Variants in MDGA2 observed in about 807,000 individuals in gnomAD.
The protein encoded by MDGA2 is MAM domain-containing glycosylphosphatidylinositol anchor protein 2.
A neutral mutation model predicts 117.8 loss-of-function variants in MDGA2; 40 were observed. The observed-to-expected ratio is 0.34, with a 90% CI of 0.26 to 0.44. The LOEUF is 0.44. MDGA2 is among the 20% of genes least tolerant of loss of function. The probability of loss-of-function intolerance (pLI) is 1.00; values close to 1 mark genes in which losing one functional copy is unlikely to be tolerated. For missense variants in MDGA2, 1,123 were observed against 1,250.6 expected (o/e 0.90, Z 1.54); for synonymous variants, 452 against 439.0 (o/e 1.03, Z -0.37).
chr14:47,361,011 T>C (rs1423196418), intron 1 of MDGA2, among the ~76,000 whole-genome samples: 1 of 152,112 alleles, frequency 6.6e-6, no homozygotes, highest in African/African-American at 2.4e-5. Context: ...AGATCTAATG[T>C]ACAACATAAA....
At chr14:47,420,625 C>T (rs2138505840) in intron 1 of MDGA2, among the ~76,000 whole-genome samples, 1 of 152,130 alleles carries the variant, frequency 6.6e-6, no homozygotes, top group East Asian at 1.9e-4. Flanking sequence ...GGCTCAATTG[C>T]TTGCAAAGCT....
intron 3 of MDGA2, among the ~76,000 whole-genome samples, chr14:47,209,052 T>A (rs1446544285): frequency 7.5e-6 from 1 of 132,658 alleles, no homozygotes; most frequent in Non-Finnish European, 1.7e-5. Context: ...GATTATATCC[T>A]TTTTTTTTAA....
At chr14:47,394,407 T>C (rs1891962518) in intron 1 of MDGA2, among the ~76,000 whole-genome samples, 1 of 152,090 alleles carries the variant, frequency 6.6e-6, no homozygotes. Context: ...CTCCCAATAT[T>C]TACCATTAAG....
chr14:47,000,296 G>A (rs1046670351), intron 8 of MDGA2, among the ~76,000 whole-genome samples: 14 of 140,088 alleles, frequency 1.0e-4, no homozygotes, highest in Non-Finnish European at 1.8e-4. Flanking sequence ...TAGCTTTCTT[G>A]CTTAGGTTCC....
chr14:47,614,994 T>C (rs1222713118), intron 1 of MDGA2, among the ~76,000 whole-genome samples: 3 of 152,196 alleles, frequency 2.0e-5, no homozygotes, highest in Non-Finnish European at 4.4e-5. Flanking sequence ...AAGTAGATTC[T>C]ATAATTGGTG....
intron 1 of MDGA2, among the ~76,000 whole-genome samples, chr14:47,315,092 C>A (rs993990951): frequency 3.3e-5 from 5 of 151,894 alleles, no homozygotes; most frequent in African/African-American, 1.2e-4. Flanking sequence ...CACATTTTTT[C>A]CCCCAGAGCT....
intron 2 of MDGA2, among the ~76,000 whole-genome samples, chr14:47,245,161 C>A (rs1167900193): frequency 6.6e-6 from 1 of 151,724 alleles, no homozygotes; most frequent in East Asian, 1.9e-4. Context: ...GTAGCTGGGA[C>A]TACAGGCACA....
intron 8 of MDGA2, among the ~76,000 whole-genome samples, chr14:47,016,185 T>G (rs911204640): frequency 2.6e-5 from 4 of 152,112 alleles, no homozygotes; most frequent in Non-Finnish European, 5.9e-5. Context: ...AATTGCCAAC[T>G]CAGTTACAAT....
intron 10 of MDGA2, among the ~76,000 whole-genome samples, chr14:46,919,687 TAA>T (rs1167540854): frequency 5.9e-5 from 9 of 152,204 alleles, no homozygotes; most frequent in African/African-American, 2.2e-4. Flanking sequence ...ACATCTGAAA[TAA>T]GTTCCTTTTA....
intron 2 of MDGA2, among the ~76,000 whole-genome samples, chr14:47,256,463 T>A (rs887768580): frequency 6.6e-6 from 1 of 152,176 alleles, no homozygotes; most frequent in Non-Finnish European, 1.5e-5. Flanking sequence ...TCTGCCTACA[T>A]TTCTCTGGTC....
intron 1 of MDGA2, among the ~76,000 whole-genome samples, chr14:47,395,674 C>A (rs1036656951): frequency 2.6e-5 from 4 of 151,890 alleles, no homozygotes; most frequent in African/African-American, 9.7e-5. Flanking sequence ...GAATTATAGA[C>A]AATGAACATA....
intron 3 of MDGA2, among the ~76,000 whole-genome samples, chr14:47,202,244 TGATTA>T (rs1182679010): frequency 2.6e-5 from 4 of 152,184 alleles, no homozygotes; most frequent in African/African-American, 9.6e-5. Context: ...GTAGTTGTGA[TGATTA>T]GATAATAAAA....
At chr14:46,995,083 T>C (rs1049292683) in intron 8 of MDGA2, among the ~76,000 whole-genome samples, 6 of 152,136 alleles carry the variant, frequency 3.9e-5, no homozygotes, top group African/African-American at 1.2e-4. Context: ...ATGAGTAAAA[T>C]AGCATTTCTC....
chr14:47,597,927 A>C (rs1896577546), intron 1 of MDGA2, among the ~76,000 whole-genome samples: 4 of 151,756 alleles, frequency 2.6e-5, no homozygotes, highest in Admixed American at 2.6e-4. Flanking sequence ...ATAATTACCC[A>C]AGAAAAAAAC....
chr14:47,402,345 C>T (rs1427429167), intron 1 of MDGA2, among the ~76,000 whole-genome samples: 4 of 123,846 alleles, frequency 3.2e-5, no homozygotes, highest in Non-Finnish European at 5.1e-5. Flanking sequence ...CGCCCCCCCA[C>T]CCCGCAAAAA....
intron 2 of MDGA2, among the ~76,000 whole-genome samples, chr14:47,280,021 A>G (rs1253113671): frequency 6.6e-6 from 1 of 151,154 alleles, no homozygotes; most frequent in Admixed American, 6.6e-5. Flanking sequence ...TTTAATAGAT[A>G]TTGTCAGGCC....
intron 5 of MDGA2, among the ~76,000 whole-genome samples, chr14:47,117,692 T>C (rs1272409949): frequency 4.6e-5 from 7 of 152,074 alleles, no homozygotes; most frequent in Non-Finnish European, 8.8e-5. Flanking sequence ...GTACCTAAAG[T>C]AGTCAAATTC....
At chr14:47,437,658 G>A (rs1892925232) in intron 1 of MDGA2, among the ~76,000 whole-genome samples, 1 of 152,146 alleles carries the variant, frequency 6.6e-6, no homozygotes, top group Non-Finnish European at 1.5e-5. Context: ...AAACAAATCA[G>A]CCTTCAAATG....
chr14:47,550,445 A>T (rs1056887199), intron 1 of MDGA2, among the ~76,000 whole-genome samples: 4 of 152,210 alleles, frequency 2.6e-5, no homozygotes, highest in African/African-American at 9.6e-5. Flanking sequence ...TATCAAGCAT[A>T]TAAAAGCCAT....
Sources: allele counts gnomAD v4.1 joint callset (sites outside exome capture counted in the v4.1 genomes callset), GRCh38; gene constraint gnomAD v4.1.1; transcripts MANE v1.5; gene names NCBI Gene and HGNC (gene_info 2026-07-23, HGNC 2026-07-21).